Variants in ZNF285 observed in about 807,000 individuals in gnomAD.
The protein encoded by ZNF285 is zinc finger protein 285, also known as zinc finger protein 285A.
A neutral mutation model predicts 6.2 loss-of-function variants in ZNF285; 4 were observed. The ratio of observed to expected loss-of-function variants is 0.65; its 90% confidence interval spans 0.32 to 1.49. The LOEUF (loss-of-function observed/expected upper bound fraction) is 1.49. ZNF285 is among the 40% of genes most tolerant of loss of function. The pLI, the probability that ZNF285 is intolerant of heterozygous loss-of-function variation, is 0.07. For missense variants in ZNF285, 695 were observed against 708.8 expected, an observed-to-expected ratio of 0.98 and a Z score of 0.22; for synonymous variants, 240 against 245.8, an observed-to-expected ratio of 0.98 and a Z score of 0.22.
At chr19:44,389,862 A>C (rs1272175773) in intron 3 of ZNF285, among the ~76,000 whole-genome samples, 1 of 152,190 alleles carries the variant, frequency 6.6e-6, no homozygotes, top group Non-Finnish European at 1.5e-5. Flanking sequence ...TCCTGTGTCT[A>C]CAGTTTACAC....
chr19:44,393,150 T>C (rs1263251764), intron 2 of ZNF285, among the ~76,000 whole-genome samples: 2 of 152,190 alleles, frequency 1.3e-5, no homozygotes, highest in African/African-American at 4.8e-5. Context: ...TCTTAGGAGA[T>C]ACAAACTGAA....
rs540589065 is a variant in ZNF285, at chr19:44,397,344, C to T, written c.-43-88G>A. Reference sequence around the variant, plus strand: ...CTTCCTTATCTGTACAAGTTTCTCACAATTTCTCCTCTCACTGGATATCAT... The same window carrying T: ...CTTCCTTATCTGTACAAGTTTCTCATAATTTCTCCTCTCACTGGATATCAT... On this transcript the variant is annotated intron_variant, in intron 1 of 3. Transcript: ENST00000614994. 17 of 1,481,248 alleles carry T rather than the reference C, an allele frequency of 1.1e-5. No individual in the cohort carries two copies. The East Asian group carries it at 3.4e-4, about 30-fold the overall frequency. The allele number at this position is 1,481,248 out of a possible 1,614,324, so 91.8% of individuals were successfully genotyped here. A position where few individuals can be genotyped will look rare whatever the true frequency, so the allele number is the denominator to read the frequency against.
At chr19:44,400,247 G>A (rs1971353300) in intron 1 of ZNF285, among the ~76,000 whole-genome samples, 1 of 147,754 alleles carries the variant, frequency 6.8e-6, no homozygotes, top group South Asian at 2.2e-4. Flanking sequence ...CAACTACTCT[G>A]ATCTGAGGAA....
chr19:44,397,148 G>A (rs769180485), intron 2 of ZNF285, 51 bp downstream of exon 2: 2 of 1,612,820 alleles, frequency 1.2e-6, no homozygotes. Context: ...AGAAGTGTCT[G>A]GTTCCTCAGA....
intron 3 of ZNF285, among the ~76,000 whole-genome samples, chr19:44,389,671 G>A (rs1437624017): frequency 1.3e-5 from 2 of 151,676 alleles, no homozygotes; most frequent in Non-Finnish European, 2.9e-5. Context: ...TAGGGTACAC[G>A]TGCACAATGT....
chr19:44,392,214 G>A, intron 3 of ZNF285, 126 bp downstream of exon 3: 1 of 1,533,148 alleles, frequency 6.5e-7, no homozygotes, highest in East Asian at 2.3e-5. Context: ...ACCTGCACAT[G>A]CATCTCTTAG....
rs117953191 is a variant in ZNF285 at position 44,388,066 on chromosome 19, G to T, written c.179C>A (p.Ala60Glu). The T allele has an allele frequency of 3.0e-5, 48 of 1,613,584 alleles. No individual in the cohort carries two copies. Among genetic ancestry groups the T allele is most frequent in the Admixed American group, 1.7e-4 (10 of 59,908 alleles). ...TTGCGAAAGGTAACTTAACCCCTTTGCCTGAAGATTCAAAATGTTGTTTTT... is the reference window on the plus strand; with the variant it reads ...TTGCGAAAGGTAACTTAACCCCTTTTCCTGAAGATTCAAAATGTTGTTTTT... ...GIKNNILNLQAKGLSYLSQEV... is the reference protein window; with the variant it reads ...GIKNNILNLQEKGLSYLSQEV... The change falls in exon 4 of 4, where the codon GCA becomes GAA. Residue 60 changes from alanine to glutamate, a missense_variant. Physicochemically the swap from Ala to Glu is moderately radical, Grantham distance 107 (BLOSUM62 -1). Transcript: ENST00000614994.
chr19:44,388,224 T>C (rs1971132504), intron 3 of ZNF285, 122 bp from the exon 4 acceptor site: 1 of 856,384 alleles, frequency 1.2e-6, no homozygotes, highest in South Asian at 1.7e-5. Context: ...ATGAAACAAT[T>C]AGAGCCACGG....
At chr19:44,389,431 G>A (rs1013815262) in intron 3 of ZNF285, among the ~76,000 whole-genome samples, 1 of 152,130 alleles carries the variant, frequency 6.6e-6, no homozygotes, top group Non-Finnish European at 1.5e-5. Context: ...CCCCGAATGG[G>A]CTTTAAGCAG....
intron 2 of ZNF285, 99 bp downstream of exon 2, chr19:44,397,100 G>T: frequency 2.6e-6 from 4 of 1,550,606 alleles, no homozygotes; most frequent in Non-Finnish European, 3.5e-6. Flanking sequence ...CTAATACATA[G>T]TAGTCACTCA....
chr19:44,391,513 G>A (rs1333047155), intron 3 of ZNF285, among the ~76,000 whole-genome samples: 1 of 152,068 alleles, frequency 6.6e-6, no homozygotes, highest in Non-Finnish European at 1.5e-5. Flanking sequence ...GAAGGTGAAG[G>A]AAGAGCAAAG....
At position 44,384,171 on chromosome 19, in the gene ZNF285, T is replaced by C. The variant is rs1181770400; in HGVS notation, c.*2301A>G. On this transcript the variant is annotated 3_prime_UTR_variant, in exon 4 of 4. Coordinates refer to ENST00000614994, the MANE Select transcript of ZNF285 (RefSeq NM_152354.6). ...TTTTATAGGTCTAGATCATTGTTGA[T>C]GGAGCCATGTTATTCCATTATATGG... 1 of 152,262 alleles carries C rather than the reference T, an allele frequency of 6.6e-6. No individual in the cohort carries two copies. Among genetic ancestry groups the C allele is most frequent in the African/African-American group, 2.4e-5 (1 of 41,478 alleles). The allele number at this position is 152,262 out of a possible 1,614,324, so 9.4% of individuals were successfully genotyped here.
chr19:44,387,770 G>A lies in ZNF285; in HGVS notation c.475C>T (p.Pro159Ser), dbSNP rs1252362171. Residue 159 changes from proline to serine, a missense_variant, in exon 4 of 4, where the codon CCC (proline) becomes TCC (serine). Transcript: ENST00000614994. ...TTATATCTTCCCTGAGAGTTCTGGG[G>A]CTCGGTCATTATGTTGGCTTTCCTC... ...SWRKANIMTE[P>S]QNSQGRYKGI... 13 of 1,613,712 alleles carry A rather than the reference G, an allele frequency of 8.1e-6. No individual in the cohort carries two copies. Among genetic ancestry groups the A allele is most frequent in the East Asian group, 2.2e-5 (1 of 44,882 alleles).
rs191889885 is a variant in ZNF285 at position 44,392,587 on chromosome 19, C to T, written c.16-121G>A. On this transcript the variant is annotated intron_variant, in intron 2 of 3. Coordinates refer to ENST00000614994, the MANE Select transcript of ZNF285 (RefSeq NM_152354.6). ...ATTAAACAAAATAAACTTATTTCTT[C>T]CTGTCCTGGAGGTTGGAAAGTCTAA... The T allele has an allele frequency of 3.0e-5, 48 of 1,580,276 alleles. No homozygotes were observed. In the East Asian group the frequency reaches 1.0e-3, roughly 34 times the overall value.
At chr19:44,397,059 C>T (rs1971293011) in intron 2 of ZNF285, 140 bp downstream of exon 2, 2 of 1,265,268 alleles carry the variant, frequency 1.6e-6, no homozygotes, top group Non-Finnish European at 2.2e-6. Flanking sequence ...AACCACCTGC[C>T]TCACAAAGTC....
intron 2 of ZNF285, chr19:44,394,573 T>A: frequency 3.4e-6 from 2 of 583,346 alleles, no homozygotes; most frequent in South Asian, 2.3e-5. Context: ...GAAAAGAAAA[T>A]TTTAAAAAAT....
chr19:44,393,751 C>T (rs1201036924), intron 2 of ZNF285, among the ~76,000 whole-genome samples: 1 of 152,078 alleles, frequency 6.6e-6, no homozygotes, highest in Non-Finnish European at 1.5e-5. Flanking sequence ...ATTAAAAAGT[C>T]AGGAAACAAC....
At chr19:44,390,876 C>G (rs937016312) in intron 3 of ZNF285, among the ~76,000 whole-genome samples, 1 of 152,116 alleles carries the variant, frequency 6.6e-6, no homozygotes, top group African/African-American at 2.4e-5. Flanking sequence ...GAGTTTCCAG[C>G]TGGGCACGGT....
At chr19:44,393,825 G>C (rs955343426) in intron 2 of ZNF285, among the ~76,000 whole-genome samples, 3 of 152,256 alleles carry the variant, frequency 2.0e-5, no homozygotes, top group African/African-American at 7.2e-5. Context: ...CTGTAAACTA[G>C]TTCAACCATT....
Sources: allele counts gnomAD v4.1 joint callset (sites outside exome capture counted in the v4.1 genomes callset), GRCh38; gene constraint gnomAD v4.1.1; transcripts MANE v1.5; gene names NCBI Gene and HGNC (gene_info 2026-07-23, HGNC 2026-07-21).